GLDC: variants seen among roughly 807,000 people sequenced by gnomAD.
The protein encoded by GLDC is glycine dehydrogenase (decarboxylating), mitochondrial.
A neutral mutation model predicts 121.3 loss-of-function variants in GLDC; 104 were observed. That is an observed-to-expected ratio of 0.86 (90% CI 0.73 to 1.01). GLDC has a LOEUF of 1.01. GLDC is among the 50% of genes least tolerant of loss of function. The probability of loss-of-function intolerance (pLI) is 0.00; values close to 1 mark genes in which losing one functional copy is unlikely to be tolerated. For synonymous variants in GLDC, 546 were observed against 480.6 expected (o/e 1.14, Z -1.78); for missense variants, 1,429 against 1,306.6 (o/e 1.09, Z -1.44).
At chr9:6,570,990 G>A (rs1035933952) in intron 15 of GLDC, among the ~76,000 whole-genome samples, 1 of 151,302 alleles carries the variant, frequency 6.6e-6, no homozygotes, top group South Asian at 2.1e-4. Flanking sequence ...AGGTGAATTT[G>A]TTCCCTTCAA....
intron 8 of GLDC, among the ~76,000 whole-genome samples, chr9:6,599,576 T>C (rs575833541): frequency 1.3e-5 from 2 of 150,914 alleles, no homozygotes; most frequent in Non-Finnish European, 3.0e-5. Flanking sequence ...GAAAAATTAG[T>C]TGGGCATGGT....
At chr9:6,537,257 G>C (rs12347465) in intron 22 of GLDC, among the ~76,000 whole-genome samples, 1 of 151,928 alleles carries the variant, frequency 6.6e-6, no homozygotes, top group African/African-American at 2.4e-5. Context: ...GAGCTCAAGC[G>C]ATCTGCCTGT....
chr9:6,566,992 G>A (rs1351471248), intron 15 of GLDC, among the ~76,000 whole-genome samples: 2 of 152,064 alleles, frequency 1.3e-5, no homozygotes, highest in Non-Finnish European at 1.5e-5. Context: ...CCAGAGCTAC[G>A]GGCTCCCTTT....
chr9:6,582,818 G>C (rs866308490), intron 15 of GLDC, among the ~76,000 whole-genome samples: 30 of 147,182 alleles, frequency 2.0e-4, no homozygotes, highest in African/African-American at 7.1e-4. Context: ...GACAGAGCGA[G>C]ACCTCGTCTC....
chr9:6,632,417 G>A (rs945983141), intron 2 of GLDC, among the ~76,000 whole-genome samples: 1 of 152,184 alleles, frequency 6.6e-6, no homozygotes, highest in African/African-American at 2.4e-5. Flanking sequence ...TGTTCAGTCA[G>A]TTAGTATGTT....
chr9:6,537,312 C>A (rs1817149227), intron 22 of GLDC, among the ~76,000 whole-genome samples: 1 of 152,178 alleles, frequency 6.6e-6, no homozygotes, highest in Non-Finnish European at 1.5e-5. Context: ...AGCCACCACA[C>A]CAGGCCTATG....
intron 7 of GLDC, among the ~76,000 whole-genome samples, chr9:6,602,991 G>A (rs1818648322): frequency 1.3e-5 from 2 of 152,086 alleles, no homozygotes; most frequent in Admixed American, 6.6e-5. Flanking sequence ...ACTTTGGGGG[G>A]CCAAGGTGGG....
intron 15 of GLDC, among the ~76,000 whole-genome samples, chr9:6,586,072 G>A (rs1818265344): frequency 6.6e-6 from 1 of 152,092 alleles, no homozygotes; most frequent in Non-Finnish European, 1.5e-5. Context: ...GAGCCAGGCG[G>A]ATCACCTGAG....
At chr9:6,543,917 G>C (rs1817328286) in intron 21 of GLDC, among the ~76,000 whole-genome samples, 2 of 146,018 alleles carry the variant, frequency 1.4e-5, no homozygotes, top group African/African-American at 5.2e-5. Context: ...GGAAAAGCAA[G>C]GTAAACGTTG....
intron 8 of GLDC, 78 bp downstream of exon 8, chr9:6,602,031 A>C: frequency 1.1e-6 from 1 of 909,286 alleles, no homozygotes. Flanking sequence ...GAATAAATGA[A>C]CAAATGAATG....
chr9:6,556,626 C>T (rs1817636742), intron 17 of GLDC, among the ~76,000 whole-genome samples: 1 of 151,998 alleles, frequency 6.6e-6, no homozygotes, highest in Admixed American at 6.6e-5. Context: ...AACCCCGTCT[C>T]TACTAAAAAT....
chr9:6,607,460 G>C (rs1426881445), intron 4 of GLDC, among the ~76,000 whole-genome samples: 1 of 151,774 alleles, frequency 6.6e-6, no homozygotes, highest in East Asian at 2.0e-4. Flanking sequence ...GTGCACGCCT[G>C]TAATCCCACT....
intron 15 of GLDC, among the ~76,000 whole-genome samples, chr9:6,570,954 A>C (rs1399262871): frequency 2.0e-5 from 3 of 151,810 alleles, no homozygotes; most frequent in Non-Finnish European, 4.4e-5. Context: ...TTATTTTATG[A>C]GTGATAAATT....
At position 6,533,176 on chromosome 9, in the gene GLDC, G is replaced by C. The variant is rs557062703; in HGVS notation, c.2920-16C>G. ...TCACGAAGGGCTGCAAAGGACAAAA[G>C]ATGGAAATGCTGTGAGATGTTCTGG... On this transcript the variant is annotated splice_polypyrimidine_tract_variant and intron_variant, in intron 24 of 24. Transcript: ENST00000321612. 3 of 1,612,690 alleles carry C rather than the reference G, an allele frequency of 1.9e-6. No homozygotes were observed. The East Asian group carries it at 6.7e-5, about 36-fold the overall frequency.
At chr9:6,540,358 G>T in intron 21 of GLDC, 1 of 550,038 alleles carries the variant, frequency 1.8e-6, no homozygotes, top group Non-Finnish European at 3.3e-6. Context: ...CTGTGCCGAT[G>T]TGTCTTATCT....
chr9:6,609,857 C>A (rs895478125), intron 4 of GLDC, among the ~76,000 whole-genome samples: 2 of 152,122 alleles, frequency 1.3e-5, no homozygotes, highest in Admixed American at 6.6e-5. Flanking sequence ...CCAGCACTTC[C>A]CAGTGGGGGA....
chr9:6,611,095 A>C (rs1186826252), intron 3 of GLDC, among the ~76,000 whole-genome samples: 1 of 152,244 alleles, frequency 6.6e-6, no homozygotes, highest in Non-Finnish European at 1.5e-5. Flanking sequence ...ATAGAGGTCT[A>C]CTTAAGAATT....
chr9:6,574,665 T>C (rs946439652), intron 15 of GLDC, among the ~76,000 whole-genome samples: 3 of 152,110 alleles, frequency 2.0e-5, no homozygotes, highest in African/African-American at 7.2e-5. Context: ...CTCACTGCTT[T>C]ACATTTCCCG....
chr9:6,620,801 C>T (rs1056517696), intron 2 of GLDC, among the ~76,000 whole-genome samples: 1 of 152,184 alleles, frequency 6.6e-6, no homozygotes, highest in Admixed American at 6.5e-5. Flanking sequence ...CACATTCCTC[C>T]TTTGTGTCAC....
Sources: gnomAD v4.1 joint callset for allele counts (sites outside exome capture counted in the v4.1 genomes callset) on GRCh38, gnomAD v4.1.1 for gene constraint, MANE v1.5 for transcripts, NCBI Gene and HGNC (gene_info 2026-07-23, HGNC 2026-07-21) for gene names.